The following SEPTIN3 variants were observed in gnomAD, a reference collection of about 807,000 sequenced individuals.
SEPTIN3 encodes neuronal-specific septin-3.
A neutral mutation model predicts 45.1 loss-of-function variants in SEPTIN3; 15 were observed. The ratio of observed to expected loss-of-function variants is 0.33; its 90% confidence interval spans 0.22 to 0.51. SEPTIN3 has a LOEUF of 0.51. SEPTIN3 is among the 20% of genes least tolerant of loss of function. The pLI is 0.97. For missense variants in SEPTIN3, 289 were observed against 457.2 expected, an observed-to-expected ratio of 0.63 and a Z score of 3.35; for synonymous variants, 148 against 164.8, an observed-to-expected ratio of 0.90 and a Z score of 0.78.
intron 6 of SEPTIN3, among the ~76,000 whole-genome samples, chr22:41,988,128 A>C (rs1323109347): frequency 6.6e-6 from 1 of 152,128 alleles, no homozygotes; most frequent in East Asian, 1.9e-4. Flanking sequence ...CGGAGGGAGC[A>C]GCAAGAAGGG....
At chr22:41,981,345 A>T (rs1034448572) in intron 2 of SEPTIN3, 55 of 333,720 alleles carry the variant, frequency 1.6e-4, no homozygotes, top group Non-Finnish European at 2.7e-4. Flanking sequence ...CCCCTGGGTT[A>T]GATGCACAGA....
chr22:41,976,986 G>T lies in SEPTIN3; in HGVS notation c.1504+3990G>T. ...CCGTTTGCAGGGGCCGCTCGGCCCG[G>T]GGAAGCCCGCGCCCCGCTCAGCCTT... On this transcript the variant is annotated intron_variant, in intron 2 of 11. Transcript: ENST00000644076. The surrounding 1 kb of genome is among the most constrained non-coding windows in gnomAD (Gnocchi z 5.8). 1 of 1,502,264 alleles carries T rather than the reference G, an allele frequency of 6.7e-7. No homozygotes were observed. The highest frequency in any genetic ancestry group is 1.2e-5 in the South Asian group (1 of 82,842). 93.1% of individuals were successfully genotyped at this position (1,502,264 alleles called of 1,614,324 possible). A position where few individuals can be genotyped will look rare whatever the true frequency, so the allele number is the denominator to read the frequency against.
At chr22:41,996,600 C>A in intron 11 of SEPTIN3, 1 of 1,142,462 alleles carries the variant, frequency 8.8e-7, no homozygotes, top group South Asian at 3.5e-5. Flanking sequence ...CTCATCCTCC[C>A]TTGCTCACAA....
At chr22:41,981,534 C>G (rs1390119603) in intron 2 of SEPTIN3, 111 bp from the exon 3 acceptor site, 10 of 902,406 alleles carry the variant, frequency 1.1e-5, no homozygotes, top group Non-Finnish European at 1.6e-5. Context: ...AAGATCCCTT[C>G]CAGGCCCAAC....
intron 2 of SEPTIN3, among the ~76,000 whole-genome samples, chr22:41,974,951 A>G (rs1047820130): frequency 9.3e-5 from 14 of 151,060 alleles, no homozygotes; most frequent in African/African-American, 3.4e-4. Flanking sequence ...TGATTTGTCT[A>G]ATAGGTAGTC....
At chr22:41,990,541 C>G (rs549678634) in intron 7 of SEPTIN3, among the ~76,000 whole-genome samples, 3 of 139,684 alleles carry the variant, frequency 2.1e-5, no homozygotes, top group Admixed American at 7.1e-5. Flanking sequence ...GTCAGGAGAT[C>G]AAGACCATCC....
Position 41,971,754 on chromosome 22 carries a change from G to A in SEPTIN3, c.262G>A (p.Ala88Thr), listed in dbSNP as rs1018092818. 4.5e-5 allele frequency: 18 copies of A among 399,132 alleles called. No individual in the cohort carries two copies. The highest frequency in any genetic ancestry group is 2.5e-4 in the South Asian group (2 of 7,866). 24.7% of individuals were successfully genotyped at this position (399,132 alleles called of 1,614,324 possible). The change falls in exon 2 of 12, where the codon GCT (alanine) becomes ACT (threonine). Residue 88 changes from alanine (A) to threonine (T), a missense_variant. Ala to Thr is a moderately conservative substitution (Grantham distance 58). Transcript: ENST00000644076. The part of the protein sequence containing the change: ...RSVPPQETGI[A>T]LGASLSPLPT... The stretch of plus-strand genomic sequence containing the variant: ...TGTGCCCCCACAGGAGACGGGCATC[G>A]CTCTGGGGGCTTCCTTGAGCCCCCT...
At chr22:41,991,696 C>A in intron 8 of SEPTIN3, 28 bp downstream of exon 8, 1 of 1,409,788 alleles carries the variant, frequency 7.1e-7, no homozygotes, top group Non-Finnish European at 1.0e-6. Flanking sequence ...TGCTCCTCCA[C>A]TGATGCCCCC....
Position 41,972,922 on chromosome 22 carries a change from C to T in SEPTIN3, c.1430C>T (p.Ala477Val), listed in dbSNP as rs1055301046. Residue 477 changes from alanine (A) to valine (V), a missense_variant, in exon 2 of 12, where the codon GCC (alanine) becomes GTC (valine). Around this residue, in one of 3 missense-constraint regions of SEPTIN3, gnomAD observed 200 missense variants for 315.1 expected, o/e 0.63. Transcript: ENST00000644076. ...ATGCCAAGCAGATCCACAGACCTAG[C>T]CCTGGACAACACTAATGCTGCCATG... ...LLMPSRSTDL[A>V]LDNTNAAMDR... 3 of 399,228 alleles carry T rather than the reference C, an allele frequency of 7.5e-6. No individual in the cohort carries two copies. Among genetic ancestry groups the T allele is most frequent in the Non-Finnish European group, 1.3e-5 (3 of 226,236 alleles). 24.7% of individuals were successfully genotyped at this position (399,228 alleles called of 1,614,324 possible).
intron 1 of SEPTIN3, among the ~76,000 whole-genome samples, chr22:41,970,665 T>C (rs2077949678): frequency 6.6e-6 from 1 of 152,158 alleles, no homozygotes; most frequent in South Asian, 2.1e-4. Context: ...GATGCCACAC[T>C]TTCTCACCTT....
intron 4 of SEPTIN3, among the ~76,000 whole-genome samples, chr22:41,986,796 C>G (rs927120515): frequency 6.6e-6 from 1 of 152,024 alleles, no homozygotes. Context: ...CAACCACGCC[C>G]GGCCCGAAAC....
rs1417037848 is a variant in SEPTIN3 at position 41,997,197 on chromosome 22, T to C, written c.*230T>C. On this transcript the variant is annotated 3_prime_UTR_variant, in exon 12 of 12. Transcript: ENST00000644076. The stretch of plus-strand genomic sequence containing the variant: ...CTGCCAGTACAGCCCTACTGCATCA[T>C]CTGCGTCAGCCGGTCCTAGCCCATC... 4.6e-5 allele frequency: 34 copies of C among 746,430 alleles called. No homozygotes were observed. Among genetic ancestry groups the C allele is most frequent in the Non-Finnish European group, 1.9e-5 (9 of 480,156 alleles). 46.2% of individuals were successfully genotyped at this position (746,430 alleles called of 1,614,324 possible).
intron 3 of SEPTIN3, chr22:41,982,061 A>G: frequency 1.8e-6 from 1 of 568,360 alleles, no homozygotes; most frequent in South Asian, 2.2e-5. Flanking sequence ...CCCCATCACC[A>G]GCTCGGTGTA....
intron 2 of SEPTIN3, chr22:41,977,002 G>T: frequency 6.4e-7 from 1 of 1,557,374 alleles, no homozygotes; most frequent in South Asian, 1.2e-5. Flanking sequence ...CCCGCGCCCC[G>T]CTCAGCCTTG....
chr22:41,990,482 A>G (rs961428477), intron 7 of SEPTIN3, among the ~76,000 whole-genome samples: 15 of 151,064 alleles, frequency 9.9e-5, no homozygotes, highest in Non-Finnish European at 2.1e-4. Flanking sequence ...GTGGTGGCTC[A>G]TGCCTGTAAT....
chr22:41,977,209 C>A, intron 2 of SEPTIN3: 1 of 804,628 alleles, frequency 1.2e-6, no homozygotes, highest in Non-Finnish European at 1.9e-6. Context: ...CGGACACACG[C>A]ACACACGGTG....
intron 4 of SEPTIN3, 91 bp from the exon 5 acceptor site, chr22:41,987,115 A>C (rs1276222288): frequency 1.1e-6 from 1 of 930,108 alleles, no homozygotes; most frequent in African/African-American, 1.7e-5. Context: ...TCCTGAAGAC[A>C]AGGCCTGGGT....
chr22:41,987,365 T>C, intron 5 of SEPTIN3, 78 bp downstream of exon 5: 1 of 1,360,520 alleles, frequency 7.4e-7, no homozygotes, highest in East Asian at 2.3e-5. Flanking sequence ...TTCATTCACG[T>C]TGAGAACCAT....
chr22:41,971,366 C>T, intron 1 of SEPTIN3, 108 bp from the exon 2 acceptor site: 3 of 397,994 alleles, frequency 7.5e-6, no homozygotes, highest in Non-Finnish European at 1.3e-5. Flanking sequence ...GAACCAGGCC[C>T]CTTCAGACCC....
Sources: allele counts gnomAD v4.1 joint callset (sites outside exome capture counted in the v4.1 genomes callset), GRCh38; gene constraint gnomAD v4.1.1; regional missense constraint gnomAD v4.1.1; non-coding constraint Gnocchi (gnomAD v3.1); transcripts MANE v1.5; gene names NCBI Gene and HGNC (gene_info 2026-07-23, HGNC 2026-07-21).